ZNF490: variants seen among roughly 807,000 people sequenced by gnomAD.
ZNF490 encodes the protein zinc finger protein 490.
ZNF490 carries 11 observed loss-of-function variants against 17.7 expected under a neutral mutation model. The ratio of observed to expected loss-of-function variants is 0.62; its 90% CI spans 0.39 to 1.03. The LOEUF is 1.03. Ranked by LOEUF, ZNF490 falls within the 50% of genes least tolerant of loss-of-function variation. The pLI is 0.00. For synonymous variants in ZNF490, 222 were observed against 216.1 expected, an observed-to-expected ratio of 1.03 and a Z score of -0.24; for missense variants, 542 against 643.4, an observed-to-expected ratio of 0.84 and a Z score of 1.71.
Position 12,581,425 on chromosome 19 carries a change from G to A in ZNF490, c.650C>T (p.Thr217Ile). The change falls in exon 5 of 5, where the codon ACT (threonine) becomes ATT (isoleucine). Residue 217 changes from threonine to isoleucine, a missense_variant. Transcript: ENST00000311437. ...CTTACATTCATAGGGTTTCTCTCCA[G>A]TGTGAATTCTTTCATGGGTTCGAAT... ...SSIRTHERIH[T>I]GEKPYECKEC... 2 of 1,614,232 alleles carry A rather than the reference G, an allele frequency of 1.2e-6. No homozygotes were observed. Among genetic ancestry groups the A allele is most frequent in the Non-Finnish European group, 1.7e-6 (2 of 1,180,038 alleles).
chr19:12,609,955 G>A lies in ZNF490; in HGVS notation c.117+609C>T, dbSNP rs1229298503. Reference sequence around the variant, plus strand: ...TATGAAATATATCCACGTAACACAAGTGCATTTGTAACCATAAATCTACAA... The same window carrying A: ...TATGAAATATATCCACGTAACACAAATGCATTTGTAACCATAAATCTACAA... On this transcript the variant is annotated intron_variant, in intron 1 of 4. Coordinates refer to ENST00000311437, the MANE Select transcript of ZNF490 (RefSeq NM_020714.3). 3 of 454,320 alleles carry A rather than the reference G, an allele frequency of 6.6e-6. No homozygotes were observed. The Admixed American group carries it at 7.1e-5, about 11-fold the overall frequency. The allele number at this position is 454,320 out of a possible 1,614,324, so 28.1% of individuals were successfully genotyped here. A position where few individuals can be genotyped will look rare whatever the true frequency, so the allele number is the denominator to read the frequency against.
intron 2 of ZNF490, among the ~76,000 whole-genome samples, chr19:12,584,470 T>C (rs1411123776): frequency 1.1e-5 from 1 of 94,492 alleles, no homozygotes; most frequent in African/African-American, 3.2e-5. Context: ...TATTGCTCTT[T>C]AAATACAGAC....
At chr19:12,598,376 C>G (rs933177961) in intron 2 of ZNF490, among the ~76,000 whole-genome samples, 3 of 151,782 alleles carry the variant, frequency 2.0e-5, no homozygotes, top group Admixed American at 6.6e-5. Flanking sequence ...CATAATAATT[C>G]TCCCCTTTTT....
rs1469721594 is a variant in ZNF490 at position 12,581,044 on chromosome 19, A to G, written c.1031T>C (p.Phe344Ser). The change falls in exon 5 of 5, where the codon TTT becomes TCT. Residue 344 changes from phenylalanine to serine, a missense_variant. Coordinates refer to ENST00000311437, the MANE Select transcript of ZNF490 (RefSeq NM_020714.3). ...FVCRECGRAF[F>S]SHSSLRKHVK... ...GTGTTTTCGAAGGCTTGAGTGAGAA[A>G]AGAAGGCTCTCCCACATTCCCTACA... 2 of 1,613,882 alleles carry G rather than the reference A, an allele frequency of 1.2e-6. No homozygotes were observed. Among genetic ancestry groups the G allele is most frequent in the Non-Finnish European group, 1.7e-6 (2 of 1,179,942 alleles).
intron 2 of ZNF490, among the ~76,000 whole-genome samples, chr19:12,592,918 C>T (rs1295894503): frequency 6.6e-6 from 1 of 152,202 alleles, no homozygotes; most frequent in Non-Finnish European, 1.5e-5. Context: ...AATGACAATT[C>T]ACACCATGAC....
At chr19:12,586,801 T>G (rs2022810215) in intron 2 of ZNF490, among the ~76,000 whole-genome samples, 1 of 93,848 alleles carries the variant, frequency 1.1e-5, no homozygotes, top group South Asian at 2.8e-4. Context: ...TGGCCAGGCG[T>G]GGCTCACGCC....
chr19:12,578,689 C>T lies in ZNF490; in HGVS notation c.*1796G>A, dbSNP rs768277532. 52 of 985,340 alleles carry T rather than the reference C, an allele frequency of 5.3e-5. No individual in the cohort carries two copies. Among genetic ancestry groups the T allele is most frequent in the Non-Finnish European group, 6.1e-5 (51 of 829,970 alleles). 61.0% of individuals were successfully genotyped at this position (985,340 alleles called of 1,614,324 possible). A position where few individuals can be genotyped will look rare whatever the true frequency, so the allele number is the denominator to read the frequency against. On this transcript the variant is annotated 3_prime_UTR_variant, in exon 5 of 5. Coordinates refer to ENST00000311437, the MANE Select transcript of ZNF490 (RefSeq NM_020714.3). ...ATTCCCACAGTCTGACCCGAGGACA[C>T]TGATGGAAACTTAAAAGGCAGATTC...
Position 12,580,300 on chromosome 19 carries a change from A to G in ZNF490, c.*185T>C, listed in dbSNP as rs2022710533. On this transcript the variant is annotated 3_prime_UTR_variant, in exon 5 of 5. Transcript: ENST00000311437. The stretch of plus-strand genomic sequence containing the variant: ...TCACATATCTGCAATCCCGCAGGAG[A>G]GTGCAAGTTCCTCCCCCATTTGTTA... The G allele has an allele frequency of 7.2e-7, 1 of 1,393,434 alleles. No homozygotes were observed. Among genetic ancestry groups the G allele is most frequent in the Non-Finnish European group, 9.3e-7 (1 of 1,077,406 alleles). The allele number at this position is 1,393,434 out of a possible 1,614,324, so 86.3% of individuals were successfully genotyped here. A position where few individuals can be genotyped will look rare whatever the true frequency, so the allele number is the denominator to read the frequency against.
intron 1 of ZNF490, among the ~76,000 whole-genome samples, 179 bp from the exon 2 acceptor site, chr19:12,609,381 A>C (rs1568284232): frequency 6.6e-6 from 1 of 152,044 alleles, no homozygotes; most frequent in Non-Finnish European, 1.5e-5. Context: ...GGAAAAATGA[A>C]ATATGTTTCT....
At chr19:12,581,769 A>G (rs1220378669) in intron 4 of ZNF490, 45 bp from the exon 5 acceptor site, 8 of 1,470,420 alleles carry the variant, frequency 5.4e-6, no homozygotes, top group Non-Finnish European at 7.3e-6. Context: ...TGTATTAATG[A>G]TCTTATATTT....
chr19:12,608,079 C>A (rs761627844), intron 2 of ZNF490, among the ~76,000 whole-genome samples: 5 of 152,120 alleles, frequency 3.3e-5, no homozygotes, highest in Non-Finnish European at 5.9e-5. Context: ...TAGTCATTCC[C>A]CATGAAATTC....
In ZNF490 at chr19:12,580,733, A is replaced by G. The variant is rs1182672409; in HGVS notation, c.1342T>C (p.Cys448Arg). The stretch of plus-strand genomic sequence containing the variant: ...ATGAAGACCCGACCACACTGTTTGC[A>G]TTCATAGGGTTTCTCTCTAGTATGG... Reference protein sequence around the residue: ...RTHTREKPYECKQCGRVFIYF... With the variant: ...RTHTREKPYERKQCGRVFIYF... Residue 448 changes from cysteine (C) to arginine (R), a missense_variant, in exon 5 of 5, where the codon TGC (cysteine) becomes CGC (arginine). Transcript: ENST00000311437. The G allele has an allele frequency of 1.9e-6, 3 of 1,614,192 alleles. No homozygotes were observed. The highest frequency in any genetic ancestry group is 1.7e-6 in the Non-Finnish European group (2 of 1,180,028).
chr19:12,589,355 T>A (rs958232331), intron 2 of ZNF490, among the ~76,000 whole-genome samples: 1 of 151,812 alleles, frequency 6.6e-6, no homozygotes, highest in African/African-American at 2.4e-5. Context: ...AGACTCTGTC[T>A]CAAAAAAAAT....
chr19:12,578,860 C>A lies in ZNF490; in HGVS notation c.*1625G>T, dbSNP rs988828960. ...TTCCCCATTCCTTTAATTCTTCCTA[C>A]GAAGAATCTCGACAATGGTTGCAGA... On this transcript the variant is annotated 3_prime_UTR_variant, in exon 5 of 5. Coordinates refer to ENST00000311437, the MANE Select transcript of ZNF490 (RefSeq NM_020714.3). 4 of 985,226 alleles carry A rather than the reference C, an allele frequency of 4.1e-6. No individual in the cohort carries two copies. Among genetic ancestry groups the A allele is most frequent in the African/African-American group, 1.7e-5 (1 of 57,214 alleles). The allele number at this position is 985,226 out of a possible 1,614,324, so 61.0% of individuals were successfully genotyped here.
rs570042919 is a variant in ZNF490 at position 12,578,501 on chromosome 19, G to A, written c.*1984C>T. ...AATTCAGATGTGAATGTTTAAACAA[G>A]TGTCCAAAGTGTAGGTTTGAGATGG... is the stretch of plus-strand genomic sequence containing the variant. On this transcript the variant is annotated 3_prime_UTR_variant, in exon 5 of 5. Coordinates refer to ENST00000311437, the MANE Select transcript of ZNF490 (RefSeq NM_020714.3). The A allele has an allele frequency of 6.2e-5, 61 of 985,412 alleles. No individual in the cohort carries two copies. The highest frequency in any genetic ancestry group is 2.5e-4 in the Admixed American group (4 of 16,276). 61.0% of individuals were successfully genotyped at this position (985,412 alleles called of 1,614,324 possible).
chr19:12,577,769 A>C lies in ZNF490; in HGVS notation c.*2716T>G. 2 of 985,470 alleles carry C rather than the reference A, an allele frequency of 2.0e-6. No individual in the cohort carries two copies. Among genetic ancestry groups the C allele is most frequent in the Non-Finnish European group, 2.4e-6 (2 of 829,980 alleles). 61.0% of individuals were successfully genotyped at this position (985,470 alleles called of 1,614,324 possible). A position where few individuals can be genotyped will look rare whatever the true frequency, so the allele number is the denominator to read the frequency against. ...TAAAGAGTTCCGACCCGAGCGACAC[A>C]AAGATCACTTCTGGGACCCACCCAG... On this transcript the variant is annotated 3_prime_UTR_variant, in exon 5 of 5. Transcript: ENST00000311437.
In ZNF490 at chr19:12,583,319, G is replaced by A. The variant is rs531930565; in HGVS notation, c.289+111C>T. ...CTCCCAAAGCACTGGGATTACAGGC[G>A]CGAGCCACCGTGCCTGGCCCCTTCC... On this transcript the variant is annotated intron_variant, in intron 3 of 4. Coordinates refer to ENST00000311437, the MANE Select transcript of ZNF490 (RefSeq NM_020714.3). 154 of 1,284,458 alleles carry A rather than the reference G, an allele frequency of 1.2e-4. 1 individual carries two copies. The East Asian group carries it at 1.3e-3, about 11-fold the overall frequency. The allele number at this position is 1,284,458 out of a possible 1,614,324, so 79.6% of individuals were successfully genotyped here. A position where few individuals can be genotyped will look rare whatever the true frequency, so the allele number is the denominator to read the frequency against.
At chr19:12,608,340 G>GT (rs1258248607) in intron 2 of ZNF490, among the ~76,000 whole-genome samples, 1 of 152,130 alleles carries the variant, frequency 6.6e-6, no homozygotes, top group African/African-American at 2.4e-5. Flanking sequence ...CTAGAGTGCA[G>GT]TGGCACCATC....
At chr19:12,594,764 G>A (rs991891531) in intron 2 of ZNF490, among the ~76,000 whole-genome samples, 8 of 152,170 alleles carry the variant, frequency 5.3e-5, no homozygotes, top group Admixed American at 3.9e-4. Context: ...ACTTCTGCCT[G>A]GGCGACAGAG....
Sources: gnomAD v4.1 joint callset for allele counts (sites outside exome capture counted in the v4.1 genomes callset) on GRCh38, gnomAD v4.1.1 for gene constraint, MANE v1.5 for transcripts, NCBI Gene and HGNC (gene_info 2026-07-23, HGNC 2026-07-21) for gene names.